The following GGT6 variants were observed in gnomAD, a reference collection of about 807,000 sequenced individuals.
GGT6 encodes gamma-glutamyltransferase 6, also known as glutathione hydrolase 6.
A neutral mutation model predicts 17.0 loss-of-function variants in GGT6; 13 were observed. The observed-to-expected ratio is 0.77, with a 90% CI of 0.50 to 1.22. The LOEUF is 1.22. Among genes scored for constraint, GGT6 ranks in the 50% most tolerant of loss-of-function variants. GGT6 has a pLI of 0.00. For missense variants in GGT6, 628 were observed against 643.7 expected (o/e 0.98, Z 0.26); for synonymous variants, 305 against 297.9 (o/e 1.02, Z -0.25).
rs142148799 is a variant in GGT6, at chr17:4,557,856, C to A, written c.*159G>T. 226 of 549,046 alleles carry A rather than the reference C, an allele frequency of 4.1e-4. 1 individual carries two copies. Among genetic ancestry groups the A allele is most frequent in the African/African-American group, 3.7e-3 (197 of 53,280 alleles). The allele number at this position is 549,046 out of a possible 1,614,324, so 34.0% of individuals were successfully genotyped here. A position where few individuals can be genotyped will look rare whatever the true frequency, so the allele number is the denominator to read the frequency against. On this transcript the variant is annotated 3_prime_UTR_variant, in exon 4 of 4. Transcript: ENST00000381550. ...GTCTAGGCTAGTTTCAAACTCCTGG[C>A]CTCGAGGTATCTTCCTGCCTTGACC...
chr17:4,558,131 G>T lies in GGT6; in HGVS notation c.1384C>A (p.Pro462Thr). The change falls in exon 4 of 4, where the codon CCA (proline) becomes ACA (threonine). Residue 462 changes from proline to threonine, a missense_variant. Transcript: ENST00000381550. ...AQHQHQGQQE[P>T]TEHPSTCGQG... Reference sequence around the variant, plus strand: ...CCACAAGTGCTGGGATGCTCTGTTGGTTCTTGCTGACCCTGATGCTGGTGC... The same window carrying T: ...CCACAAGTGCTGGGATGCTCTGTTGTTTCTTGCTGACCCTGATGCTGGTGC... 6.2e-7 allele frequency: 1 copy of T among 1,613,514 alleles called. No homozygotes were observed. Among genetic ancestry groups the T allele is most frequent in the South Asian group, 1.1e-5 (1 of 90,928 alleles).
rs780408274 is a variant in GGT6, at chr17:4,559,769, G to C, written c.141-9C>G. 8.1e-6 allele frequency: 13 copies of C among 1,609,414 alleles called. No homozygotes were observed. The highest frequency in any genetic ancestry group is 6.7e-5 in the Admixed American group (4 of 59,978). Reference sequence around the variant, plus strand: ...GCCCGCCAGCCTTGTTCCTGCAGAGGGGGGGTGTCCTGAGCCACGGCTGGG... The same window carrying C: ...GCCCGCCAGCCTTGTTCCTGCAGAGCGGGGGTGTCCTGAGCCACGGCTGGG... On this transcript the variant is annotated splice_polypyrimidine_tract_variant and intron_variant, in intron 1 of 3. Coordinates refer to ENST00000381550, the MANE Select transcript of GGT6 (RefSeq NM_001288702.2).
chr17:4,556,206 T>A (rs1908093642), downstream of GGT6, among the ~76,000 whole-genome samples: 1 of 152,240 alleles, frequency 6.6e-6, no homozygotes, highest in Non-Finnish European at 1.5e-5. Flanking sequence ...AACAAGATGA[T>A]GCTGGCTGCT....
chr17:4,560,376 A>C lies in GGT6; in HGVS notation c.140+6T>G. Reference sequence around the variant, plus strand: ...AGCCTGGTGCCCAGACCCCTCCCTTACTTACCTGGAAGAGTCCTGGTGCCT... The same window carrying C: ...AGCCTGGTGCCCAGACCCCTCCCTTCCTTACCTGGAAGAGTCCTGGTGCCT... On this transcript the variant is annotated splice_donor_region_variant and intron_variant, in intron 1 of 3. Coordinates refer to ENST00000381550, the MANE Select transcript of GGT6 (RefSeq NM_001288702.2). 6.2e-7 allele frequency: 1 copy of C among 1,614,020 alleles called. No homozygotes were observed. The highest frequency in any genetic ancestry group is 1.1e-5 in the South Asian group (1 of 91,074).
At position 4,557,588 on chromosome 17, in the gene GGT6, TACA is replaced by T; in HGVS notation, c.*424_*426del. The T allele has an allele frequency of 6.5e-6, 1 of 152,698 alleles. No individual in the cohort carries two copies. Among genetic ancestry groups the T allele is most frequent in the Non-Finnish European group, 1.5e-5 (1 of 68,418 alleles). 9.5% of individuals were successfully genotyped at this position (152,698 alleles called of 1,614,324 possible). The stretch of plus-strand genomic sequence containing the variant: ...CCTTGGCCTCCCAAAGTGCTGGGAT[TACA>T]GGCATGAGCCACCGCACCCAGCTAT... On this transcript the variant is annotated 3_prime_UTR_variant, in exon 4 of 4. Transcript: ENST00000381550.
intron 1 of GGT6, 179 bp from the exon 2 acceptor site, chr17:4,559,939 T>C (rs562529644): frequency 3.2e-5 from 20 of 627,112 alleles, no homozygotes; most frequent in Admixed American, 5.7e-5. Flanking sequence ...TGGGAAAGCA[T>C]CTGGGGAAAC....
In GGT6 at chr17:4,559,138, C is replaced by A; in HGVS notation, c.458-81G>T. 2.0e-6 allele frequency: 3 copies of A among 1,505,746 alleles called. No homozygotes were observed. The South Asian group carries it at 3.7e-5, about 18-fold the overall frequency. 93.3% of individuals were successfully genotyped at this position (1,505,746 alleles called of 1,614,324 possible). A position where few individuals can be genotyped will look rare whatever the true frequency, so the allele number is the denominator to read the frequency against. On this transcript the variant is annotated intron_variant, in intron 3 of 3. Coordinates refer to ENST00000381550, the MANE Select transcript of GGT6 (RefSeq NM_001288702.2). ...TTCAGTCAAGATCCCTTGACTGAGC[C>A]TGGGATCAGGAGTTACTGACCAGGC...
Position 4,560,408 on chromosome 17 carries a change from G to C in GGT6, c.114C>G (p.Asn38Lys), listed in dbSNP as rs148373037. The C allele has an allele frequency of 1.2e-6, 2 of 1,613,994 alleles. No homozygotes were observed. The highest frequency in any genetic ancestry group is 2.7e-5 in the African/African-American group (2 of 74,918). ...TGGAAGAGTCCTGGTGCCTCCGGGG[G>C]TTTAGAACCAGCGCCTCTGATGTCT... Reference protein sequence around the residue: ...EEETSEALVLNPRRHQDSSRN... With the variant: ...EEETSEALVLKPRRHQDSSRN... Residue 38 changes from asparagine to lysine, a missense_variant, in exon 1 of 4, where the codon AAC (asparagine) becomes AAG (lysine). By Grantham distance (94) the Asn-to-Lys change is moderately conservative. Coordinates refer to ENST00000381550, the MANE Select transcript of GGT6 (RefSeq NM_001288702.2).
In GGT6 at chr17:4,560,539, C is replaced by A. The variant is rs779177881; in HGVS notation, c.-18G>T. On this transcript the variant is annotated 5_prime_UTR_variant, in exon 1 of 4. Coordinates refer to ENST00000381550, the MANE Select transcript of GGT6 (RefSeq NM_001288702.2). ...CGCTCCATGGCCCCCCAGTGCTCGCCCCAGCCCTCCTGCCTGCCAGCCTTT... is the reference window on the plus strand; with the variant it reads ...CGCTCCATGGCCCCCCAGTGCTCGCACCAGCCCTCCTGCCTGCCAGCCTTT... The A allele has an allele frequency of 5.6e-6, 9 of 1,606,608 alleles. No homozygotes were observed. The South Asian group carries it at 7.7e-5, about 14-fold the overall frequency.
rs562381575 is a variant in GGT6, at chr17:4,558,914, G to A, written c.601C>T (p.Arg201Cys). The change falls in exon 4 of 4, where the codon CGC becomes TGC. Residue 201 changes from arginine (R) to cysteine (C), a missense_variant. Physicochemically the swap from Arg to Cys is radical, Grantham distance 180. Coordinates refer to ENST00000381550, the MANE Select transcript of GGT6 (RefSeq NM_001288702.2). ...ACTAGCAGGCGTGGCCAGGGCAGGCGGCCGAAGCGTGCATGCAGCAGGTGC... is the reference window on the plus strand; with the variant it reads ...ACTAGCAGGCGTGGCCAGGGCAGGCAGCCGAAGCGTGCATGCAGCAGGTGC... ...TLHLLHARFG[R>C]LPWPRLLVGP... 2.3e-5 allele frequency: 36 copies of A among 1,548,806 alleles called. No homozygotes were observed. The highest frequency in any genetic ancestry group is 1.1e-4 in the South Asian group (9 of 83,926).
chr17:4,556,494 G>C (rs1203966201), downstream of GGT6, among the ~76,000 whole-genome samples: 1 of 152,192 alleles, frequency 6.6e-6, no homozygotes, highest in Non-Finnish European at 1.5e-5. Context: ...TATTAAATCA[G>C]AGAAGCCTTT....
In GGT6 at chr17:4,559,742, C is replaced by A; in HGVS notation, c.159G>T (p.Leu53=). The part of the protein sequence containing the change: ...QDSSRNKAGG[L]PGTWARVVAA... ...CCACTACACGGGCCCAGGTTCCGGGCAGCCCGCCAGCCTTGTTCCTGCAGA... is the reference window on the plus strand; with the variant it reads ...CCACTACACGGGCCCAGGTTCCGGGAAGCCCGCCAGCCTTGTTCCTGCAGA... Residue 53 remains leucine (L), a synonymous_variant, in exon 2 of 4, where the codon CTG becomes CTT. Transcript: ENST00000381550. The A allele has an allele frequency of 1.9e-6, 3 of 1,611,306 alleles. No homozygotes were observed. The highest frequency in any genetic ancestry group is 1.7e-6 in the Non-Finnish European group (2 of 1,179,844).
chr17:4,559,219 G>A, intron 3 of GGT6, 124 bp downstream of exon 3: 3 of 1,208,814 alleles, frequency 2.5e-6, no homozygotes, highest in Non-Finnish European at 2.4e-6. Flanking sequence ...GGGTTGGACT[G>A]CTGCCCAAAC....
chr17:4,559,424 C>G lies in GGT6; in HGVS notation c.376G>C (p.Val126Leu), dbSNP rs1335241274. 6.4e-7 allele frequency: 1 copy of G among 1,551,944 alleles called. No homozygotes were observed. The highest frequency in any genetic ancestry group is 1.4e-5 in the African/African-American group (1 of 73,068). ...TCSHLGRELL[V>L]AGGNVVDAGV... is the part of the protein sequence containing the mutation. ...GCATCCACGACGTTGCCCCCGGCAACAAGCAGCTCTCGGCCTAGGTGGGAG... is the reference window on the plus strand; with the variant it reads ...GCATCCACGACGTTGCCCCCGGCAAGAAGCAGCTCTCGGCCTAGGTGGGAG... The change falls in exon 3 of 4, where the codon GTT (valine) becomes CTT (leucine). Residue 126 changes from valine to leucine, a missense_variant. By Grantham distance (32) the Val-to-Leu change is conservative. Coordinates refer to ENST00000381550, the MANE Select transcript of GGT6 (RefSeq NM_001288702.2).
chr17:4,560,290 G>A, intron 1 of GGT6, 92 bp downstream of exon 1: 1 of 1,435,030 alleles, frequency 7.0e-7, no homozygotes, highest in Non-Finnish European at 9.7e-7. Context: ...ACCCAGCGGG[G>A]AGTCGCCTGG....
chr17:4,556,257 G>C (rs1908100343), downstream of GGT6, among the ~76,000 whole-genome samples: 1 of 152,200 alleles, frequency 6.6e-6, no homozygotes, highest in South Asian at 2.1e-4. Flanking sequence ...GTGGAAGCAC[G>C]GGAAGACCAT....
chr17:4,558,347 C>T lies in GGT6; in HGVS notation c.1168G>A (p.Val390Ile), dbSNP rs201955388. ...GSAHLSPSTGVLLSNLVAKST... is the reference protein window; with the variant it reads ...GSAHLSPSTGILLSNLVAKST... ...TTGGCCACCAGGTTGCTGAGCAGAA[C>T]CCCAGTGCTTGGGGACAGGTGTGCA... Residue 390 changes from valine (V) to isoleucine (I), a missense_variant, in exon 4 of 4, where the codon GTT becomes ATT. Transcript: ENST00000381550. 1.9e-6 allele frequency: 3 copies of T among 1,608,866 alleles called. No homozygotes were observed. The East Asian group carries it at 6.7e-5, about 36-fold the overall frequency.
chr17:4,559,573 T>A lies in GGT6; in HGVS notation c.328A>T (p.Ile110Phe). The A allele has an allele frequency of 6.2e-7, 1 of 1,613,694 alleles. No individual in the cohort carries two copies. The highest frequency in any genetic ancestry group is 1.7e-5 in the Admixed American group (1 of 60,018). ...HGPGVYHHGA[I>F]ISPAATCSHL... ...ACTGACTGACCTGCAGGGCTGATGA[T>A]GGCACCGTGGTGGTATACGCCAGGG... The change falls in exon 2 of 4, where the codon ATC (isoleucine) becomes TTC (phenylalanine). Residue 110 changes from isoleucine (I) to phenylalanine (F), a missense_variant. Transcript: ENST00000381550.
At position 4,559,723 on chromosome 17, in the gene GGT6, C is replaced by T; in HGVS notation, c.178G>A (p.Val60Ile). The T allele has an allele frequency of 6.2e-7, 1 of 1,612,438 alleles. No homozygotes were observed. Among genetic ancestry groups the T allele is most frequent in the Non-Finnish European group, 8.5e-7 (1 of 1,180,004 alleles). The change falls in exon 2 of 4, where the codon GTA (valine) becomes ATA (isoleucine). Residue 60 changes from valine (V) to isoleucine (I), a missense_variant. By Grantham distance (29) the Val-to-Ile change is conservative. Coordinates refer to ENST00000381550, the MANE Select transcript of GGT6 (RefSeq NM_001288702.2). ...AGGLPGTWAR[V>I]VAALLLLAVG... ...GCCAGCAGCAGCAGGGCTGCCACTA[C>T]ACGGGCCCAGGTTCCGGGCAGCCCG...
Sources: gnomAD v4.1 joint callset for allele counts (sites outside exome capture counted in the v4.1 genomes callset) on GRCh38, gnomAD v4.1.1 for gene constraint, MANE v1.5 for transcripts, NCBI Gene and HGNC (gene_info 2026-07-23, HGNC 2026-07-21) for gene names.